Variants in CADPS observed in about 807,000 individuals in gnomAD.
CADPS encodes calcium dependent secretion activator, also known as calcium-dependent secretion activator 1.
CADPS carries 57 observed loss-of-function variants against 167.3 expected under a neutral mutation model. The ratio of observed to expected loss-of-function variants is 0.34; its 90% CI spans 0.28 to 0.42. CADPS has a LOEUF of 0.42. Among genes scored for constraint, CADPS ranks in the 20% least tolerant of loss-of-function variants. The probability of loss-of-function intolerance (pLI) is 1.00; values close to 1 mark genes in which losing one functional copy is unlikely to be tolerated. For missense variants in CADPS, 1,414 were observed against 1,738.1 expected (o/e 0.81, Z 3.32); for synonymous variants, 676 against 635.3 (o/e 1.06, Z -0.96).
chr3:62,416,187 T>G (rs990740479), intron 28 of CADPS, among the ~76,000 whole-genome samples: 1 of 152,134 alleles, frequency 6.6e-6, no homozygotes, highest in Non-Finnish European at 1.5e-5. Flanking sequence ...GGGGTGGATT[T>G]GGGGGTTGAG....
rs150189175 is a variant in CADPS at position 62,503,777 on chromosome 3, T to C, written c.2600-4509A>G. Among the ~76,000 whole-genome samples the C allele has an allele frequency of 3.7e-3, 565 of 152,286 alleles. 4 individuals are homozygous for C. The highest frequency in any genetic ancestry group is 0.013 in the African/African-American group (536 of 41,556). On this transcript the variant is annotated intron_variant, in intron 17 of 29. Transcript: ENST00000383710. ...AGCACTTGACCCATCTGTCATGTGGTTTACAATATCAGCACAGCAAACATC... is the reference window on the plus strand; with the variant it reads ...AGCACTTGACCCATCTGTCATGTGGCTTACAATATCAGCACAGCAAACATC...
intron 2 of CADPS, among the ~76,000 whole-genome samples, chr3:62,763,506 T>G (rs551263921): frequency 6.6e-6 from 1 of 152,306 alleles, no homozygotes; most frequent in South Asian, 2.1e-4. Context: ...TTTTTAGGGT[T>G]ATCCAGTATG....
chr3:62,578,160 G>GA (rs71123276), intron 8 of CADPS, among the ~76,000 whole-genome samples: 79,566 of 145,444 alleles, frequency 0.55, 23,227 homozygotes, highest in East Asian at 0.73. Context: ...TAAAAAGATA[G>GA]AAAAAAAAAG....
chr3:62,847,055 A>C (rs2077571428), intron 1 of CADPS, among the ~76,000 whole-genome samples: 1 of 152,202 alleles, frequency 6.6e-6, no homozygotes, highest in South Asian at 2.1e-4. Context: ...ATCCTGACTA[A>C]TGCTCAAACT....
chr3:62,678,944 G>A (rs532437445), intron 3 of CADPS, among the ~76,000 whole-genome samples: 15 of 152,090 alleles, frequency 9.9e-5, no homozygotes, highest in Admixed American at 7.2e-4. Flanking sequence ...AAGGAGAGGC[G>A]AGGGACTGGT....
At chr3:62,770,469 A>C (rs2088318434) in intron 1 of CADPS, among the ~76,000 whole-genome samples, 1 of 152,150 alleles carries the variant, frequency 6.6e-6, no homozygotes, top group Non-Finnish European at 1.5e-5. Context: ...TCTGTTGCCC[A>C]GGCTGGAGTG....
intron 1 of CADPS, among the ~76,000 whole-genome samples, chr3:62,780,157 G>A (rs187565755): frequency 6.6e-6 from 1 of 152,258 alleles, no homozygotes; most frequent in Non-Finnish European, 1.5e-5. Context: ...ACAGGCGTGA[G>A]CCACTGTGCC....
At chr3:62,662,259 T>C in intron 4 of CADPS, 55 bp downstream of exon 4, 1 of 1,416,430 alleles carries the variant, frequency 7.1e-7, no homozygotes, top group East Asian at 2.3e-5. Context: ...ATCAATGTGC[T>C]TCCTGAGTGG....
In CADPS at chr3:62,602,900, C is replaced by A. The variant is rs2060176030; in HGVS notation, c.1326-10152G>T. Among the ~76,000 whole-genome samples, 1 of 152,166 alleles carries A rather than the reference C, an allele frequency of 6.6e-6. No homozygotes were observed. The highest frequency in any genetic ancestry group is 1.9e-4 in the East Asian group (1 of 5,200). On this transcript the variant is annotated intron_variant, in intron 6 of 29. Coordinates refer to ENST00000383710, the MANE Select transcript of CADPS (RefSeq NM_003716.4). This position sits in a 1 kb window ranked among gnomAD's most constrained non-coding sequence, Gnocchi z 4.4. ...CATCATTCTTATTTGCCTCTCTTTGCCACATGTCCGTCTTGTCACCGGATC... is the reference window on the plus strand; with the variant it reads ...CATCATTCTTATTTGCCTCTCTTTGACACATGTCCGTCTTGTCACCGGATC...
intron 3 of CADPS, among the ~76,000 whole-genome samples, chr3:62,673,915 G>A (rs2075945729): frequency 6.6e-6 from 1 of 152,120 alleles, no homozygotes; most frequent in African/African-American, 2.4e-5. Flanking sequence ...GCAAAATAAT[G>A]AGCTCAACAG....
chr3:62,508,762 C>T (rs1187370953), intron 17 of CADPS, among the ~76,000 whole-genome samples: 1 of 152,060 alleles, frequency 6.6e-6, no homozygotes, highest in African/African-American at 2.4e-5. Context: ...TCTCAATAAA[C>T]AACAATTTTT....
At chr3:62,793,331 A>G (rs1405619308) in intron 1 of CADPS, among the ~76,000 whole-genome samples, 1 of 152,214 alleles carries the variant, frequency 6.6e-6, no homozygotes, top group Non-Finnish European at 1.5e-5. Context: ...AAGGAATCCA[A>G]AACAGACCTG....
At chr3:62,806,189 C>G (rs2094083717) in intron 1 of CADPS, among the ~76,000 whole-genome samples, 1 of 152,066 alleles carries the variant, frequency 6.6e-6, no homozygotes, top group South Asian at 2.1e-4. Flanking sequence ...GGAAAATTTT[C>G]AAACTATTTG....
chr3:62,831,185 G>A (rs1222940369), intron 1 of CADPS, among the ~76,000 whole-genome samples: 4 of 152,150 alleles, frequency 2.6e-5, no homozygotes, highest in Non-Finnish European at 4.4e-5. Flanking sequence ...TCTCTTGTGT[G>A]CTGTATGCCA....
intron 13 of CADPS, chr3:62,530,777 G>T (rs1315807854): frequency 7.0e-6 from 9 of 1,286,814 alleles, no homozygotes; most frequent in Non-Finnish European, 9.1e-6. Context: ...GTCTGTATTT[G>T]GTGGCAGCCC....
intron 1 of CADPS, among the ~76,000 whole-genome samples, chr3:62,783,115 T>A (rs1235548231): frequency 6.6e-6 from 1 of 152,214 alleles, no homozygotes; most frequent in African/African-American, 2.4e-5. Context: ...TTGTTATGGT[T>A]CCAAAAAGAA....
At chr3:62,854,477 A>T (rs1007417938) in intron 1 of CADPS, among the ~76,000 whole-genome samples, 1 of 152,192 alleles carries the variant, frequency 6.6e-6, no homozygotes, top group Non-Finnish European at 1.5e-5. Flanking sequence ...CAATGTTGGG[A>T]AATGACTATA....
At chr3:62,742,185 A>C (rs1407930529) in intron 3 of CADPS, among the ~76,000 whole-genome samples, 2 of 152,204 alleles carry the variant, frequency 1.3e-5, no homozygotes, top group Non-Finnish European at 2.9e-5. Flanking sequence ...AATATTGTTA[A>C]AATGGTCATA....
intron 5 of CADPS, among the ~76,000 whole-genome samples, chr3:62,650,346 C>T (rs1284568693): frequency 2.0e-5 from 3 of 152,090 alleles, no homozygotes; most frequent in Non-Finnish European, 2.9e-5. Flanking sequence ...TATAGAGAAA[C>T]TTATTGACAT....
Sources: gnomAD v4.1 joint callset for allele counts (sites outside exome capture counted in the v4.1 genomes callset) on GRCh38, gnomAD v4.1.1 for gene constraint, Gnocchi (gnomAD v3.1) non-coding constraint, MANE v1.5 for transcripts, NCBI Gene and HGNC (gene_info 2026-07-23, HGNC 2026-07-21) for gene names.